ARHGAP26: variants seen among roughly 807,000 people sequenced by gnomAD.
ARHGAP26 encodes rho GTPase-activating protein 26.
In ARHGAP26, 38 loss-of-function variants were observed where a neutral mutation model predicts 104.8. The ratio of observed to expected loss-of-function variants is 0.36; its 90% CI spans 0.28 to 0.48. ARHGAP26 has a LOEUF of 0.48. Among genes scored for constraint, ARHGAP26 ranks in the 20% least tolerant of loss-of-function variants. The pLI, the probability that ARHGAP26 is intolerant of heterozygous loss-of-function variation, is 0.99. For synonymous variants in ARHGAP26, 341 were observed against 340.0 expected (o/e 1.00, Z -0.03); for missense variants, 704 against 947.9 (o/e 0.74, Z 3.38).
At chr5:142,819,523 A>G (rs180716376) in intron 1 of ARHGAP26, among the ~76,000 whole-genome samples, 49 of 152,340 alleles carry the variant, frequency 3.2e-4, no homozygotes, top group African/African-American at 1.1e-3. Flanking sequence ...GTTTGCCAGA[A>G]TAGACAGCCT....
At chr5:143,203,236 C>T in intron 20 of ARHGAP26, 1 of 151,814 alleles carries the variant, frequency 6.6e-6, no homozygotes, top group South Asian at 2.1e-4. Context: ...GAAAAAAAAA[C>T]AACCCCATCA....
intron 22 of ARHGAP26, among the ~76,000 whole-genome samples, 178 bp downstream of exon 22, chr5:143,214,266 C>T (rs986232617): frequency 1.3e-5 from 2 of 152,118 alleles, no homozygotes; most frequent in South Asian, 4.1e-4. Flanking sequence ...AATAAAATAG[C>T]AGCAGCAGGA....
chr5:143,104,730 A>G (rs551272513), intron 17 of ARHGAP26, among the ~76,000 whole-genome samples: 1 of 152,348 alleles, frequency 6.6e-6, no homozygotes, highest in East Asian at 1.9e-4. Context: ...CTGTGCCACC[A>G]TAACAATGTT....
intron 21 of ARHGAP26, among the ~76,000 whole-genome samples, chr5:143,210,279 A>G (rs1204151683): frequency 6.6e-6 from 1 of 152,070 alleles, no homozygotes; most frequent in Non-Finnish European, 1.5e-5. Context: ...TTGTGCAGGG[A>G]AACTCCCGTT....
intron 11 of ARHGAP26, among the ~76,000 whole-genome samples, chr5:142,968,500 A>G (rs777764129): frequency 6.6e-6 from 1 of 152,236 alleles, no homozygotes; most frequent in Non-Finnish European, 1.5e-5. Context: ...TGCAAATAAT[A>G]TGGAAGTAGT....
Position 142,813,656 on chromosome 5 carries a change from C to T in ARHGAP26, c.154+42741C>T, listed in dbSNP as rs141786309. Among the ~76,000 whole-genome samples, 376 of 152,328 alleles carry T rather than the reference C, an allele frequency of 2.5e-3. 1 individual carries two copies. The highest frequency in any genetic ancestry group is 8.7e-3 in the African/African-American group (360 of 41,570). ...CTTGTCTTCTCCCAGTATCTTCACA[C>T]GGTCTTTTCTCTGCTGTGCCTGTGT... On this transcript the variant is annotated intron_variant, in intron 1 of 22. Coordinates refer to ENST00000645722, the MANE Select transcript of ARHGAP26 (RefSeq NM_001135608.3).
At chr5:143,110,438 G>A (rs17099984) in intron 17 of ARHGAP26, among the ~76,000 whole-genome samples, 11,777 of 152,222 alleles carry the variant, frequency 0.077, 629 homozygotes, top group East Asian at 0.21. Context: ...AAGTCCCAAA[G>A]CAATGTCTCC....
chr5:142,923,584 A>G (rs540221090), intron 10 of ARHGAP26, among the ~76,000 whole-genome samples: 2 of 152,324 alleles, frequency 1.3e-5, no homozygotes, highest in East Asian at 1.9e-4. Context: ...GATACCTAGC[A>G]TGATGACTGG....
intron 17 of ARHGAP26, among the ~76,000 whole-genome samples, chr5:143,095,732 C>T (rs963752088): frequency 5.9e-5 from 9 of 152,152 alleles, no homozygotes; most frequent in Admixed American, 2.6e-4. Context: ...GCCACCATGC[C>T]CAGCTAATTT....
At chr5:142,850,219 T>G (rs1751250686) in intron 1 of ARHGAP26, among the ~76,000 whole-genome samples, 1 of 152,202 alleles carries the variant, frequency 6.6e-6, no homozygotes, top group African/African-American at 2.4e-5. Context: ...CCTCTGTGCT[T>G]TTGTTTAAAT....
chr5:143,223,735 A>T lies in ARHGAP26; in HGVS notation c.*1289A>T. The T allele has an allele frequency of 4.3e-6, 1 of 231,848 alleles. No homozygotes were observed. The highest frequency in any genetic ancestry group is 6.1e-5 in the East Asian group (1 of 16,350). 14.4% of individuals were successfully genotyped at this position (231,848 alleles called of 1,614,324 possible). A position where few individuals can be genotyped will look rare whatever the true frequency, so the allele number is the denominator to read the frequency against. ...ATTTCTCAGTCTTTCAAGGCTTGAG[A>T]CTAATATAGGCCATTGTGATTCAGG... On this transcript the variant is annotated 3_prime_UTR_variant, in exon 23 of 23. Transcript: ENST00000645722.
At chr5:143,186,218 T>C (rs966236328) in intron 20 of ARHGAP26, among the ~76,000 whole-genome samples, 1 of 152,242 alleles carries the variant, frequency 6.6e-6, no homozygotes, top group African/African-American at 2.4e-5. Flanking sequence ...ATAATAAGAA[T>C]GAGCAGTGCC....
intron 20 of ARHGAP26, among the ~76,000 whole-genome samples, chr5:143,171,474 G>A (rs1802759804): frequency 6.6e-6 from 1 of 152,186 alleles, no homozygotes; most frequent in African/African-American, 2.4e-5. Context: ...TCCTTTGCTG[G>A]GAGGCAGTTG....
chr5:143,175,721 G>GA (rs888501868), intron 20 of ARHGAP26, among the ~76,000 whole-genome samples: 6 of 152,124 alleles, frequency 3.9e-5, no homozygotes, highest in Non-Finnish European at 8.8e-5. Context: ...GTTTCTTTCT[G>GA]ATTCTTATTT....
rs905779692 is a variant in ARHGAP26, at chr5:143,054,660, C to T, written c.1373+134C>T. 30 of 604,412 alleles carry T rather than the reference C, an allele frequency of 5.0e-5. 1 individual carries two copies. The highest frequency in any genetic ancestry group is 3.7e-4 in the South Asian group (17 of 45,358). 37.4% of individuals were successfully genotyped at this position (604,412 alleles called of 1,614,324 possible). On this transcript the variant is annotated intron_variant, in intron 15 of 22. Transcript: ENST00000645722. ...TGTGGAAACAGCTTCTGTGTGGGTGCGTTTAGCTCAGCTGGTCAAACCAAT... is the reference window on the plus strand; with the variant it reads ...TGTGGAAACAGCTTCTGTGTGGGTGTGTTTAGCTCAGCTGGTCAAACCAAT...
chr5:142,825,295 G>C (rs1218945301), intron 1 of ARHGAP26, among the ~76,000 whole-genome samples: 2 of 152,206 alleles, frequency 1.3e-5, no homozygotes, highest in Non-Finnish European at 2.9e-5. Context: ...GAGTAAGCAG[G>C]GGTCCTTGTG....
intron 1 of ARHGAP26, among the ~76,000 whole-genome samples, chr5:142,786,617 A>G (rs1032316418): frequency 6.6e-6 from 1 of 151,574 alleles, no homozygotes; most frequent in Non-Finnish European, 1.5e-5. Flanking sequence ...CCTTTGGTAA[A>G]TGGAAATGAC....
chr5:142,913,632 G>T lies in ARHGAP26; in HGVS notation c.1028+339G>T, dbSNP rs945249575. Among the ~76,000 whole-genome samples, 12 of 152,294 alleles carry T rather than the reference G, an allele frequency of 7.9e-5. No homozygotes were observed. In the East Asian group the frequency reaches 1.7e-3, roughly 22 times the overall value. ...GGAGATTGAGTAGTAGACTTTTAAAGAAAAGTATTTAGCATGATTGTATCA... is the reference window on the plus strand; with the variant it reads ...GGAGATTGAGTAGTAGACTTTTAAATAAAAGTATTTAGCATGATTGTATCA... On this transcript the variant is annotated intron_variant, in intron 10 of 22. Coordinates refer to ENST00000645722, the MANE Select transcript of ARHGAP26 (RefSeq NM_001135608.3).
rs1053998122 is a variant in ARHGAP26 at position 142,992,640 on chromosome 5, G to C, written c.1108-21440G>C. 3.3e-5 allele frequency among the ~76,000 whole-genome samples: 5 copies of C among 152,078 alleles called. No individual in the cohort carries two copies. The East Asian group carries it at 9.7e-4, about 29-fold the overall frequency. The stretch of plus-strand genomic sequence containing the variant: ...GAAGGGGTTTCACCATGTTAGCCAG[G>C]ATGGTCTCGATCTCCTGACCTCGTG... On this transcript the variant is annotated intron_variant, in intron 11 of 22. Transcript: ENST00000645722.
Sources: allele counts gnomAD v4.1 joint callset (sites outside exome capture counted in the v4.1 genomes callset), GRCh38; gene constraint gnomAD v4.1.1; transcripts MANE v1.5; gene names NCBI Gene and HGNC (gene_info 2026-07-23, HGNC 2026-07-21).